ARK2N: variants seen among roughly 807,000 people sequenced by gnomAD.
ARK2N encodes arkadia (RNF111) N-terminal like PKA signaling regulator 2N, also known as protein ARK2N.
At chr18:46,213,713 T>A in the ARK2N span, among the ~76,000 whole-genome samples, 1 of 152,190 alleles carries the variant, frequency 6.6e-6, no homozygotes, top group Non-Finnish European at 1.5e-5. Flanking sequence ...ATTTATTTTT[T>A]TGAGATGGAG....
At chr18:46,239,099 AAG>A in the ARK2N span, among the ~76,000 whole-genome samples, 6 of 152,202 alleles carry the variant, frequency 3.9e-5, no homozygotes, top group Non-Finnish European at 5.9e-5. Context: ...TTTCTTAAAA[AAG>A]GGGTAGAATT....
the ARK2N span, among the ~76,000 whole-genome samples, chr18:46,192,493 C>G: frequency 6.6e-6 from 1 of 152,086 alleles, no homozygotes; most frequent in Non-Finnish European, 1.5e-5. Context: ...AGAAGAATTG[C>G]TTGAACCCGG....
chr18:46,254,172 A>G, the ARK2N span, among the ~76,000 whole-genome samples: 2 of 152,164 alleles, frequency 1.3e-5, no homozygotes, highest in Non-Finnish European at 2.9e-5. Context: ...CTTGCCTTTC[A>G]CTTTACCTGG....
At chr18:46,196,663 A>G in the ARK2N span, among the ~76,000 whole-genome samples, 1 of 152,242 alleles carries the variant, frequency 6.6e-6, no homozygotes. Context: ...GTGGGGTGAT[A>G]TTAGCAATAA....
At chr18:46,245,920 G>A in the ARK2N span, among the ~76,000 whole-genome samples, 3 of 152,078 alleles carry the variant, frequency 2.0e-5, no homozygotes, top group Non-Finnish European at 4.4e-5. Context: ...GAAAAGGTCT[G>A]TAGTGGGAGG....
the ARK2N span, among the ~76,000 whole-genome samples, chr18:46,251,766 T>G: frequency 6.6e-6 from 1 of 152,214 alleles, no homozygotes; most frequent in Admixed American, 6.5e-5. Context: ...AACATTTTGC[T>G]TATTTAAAGG....
At chr18:46,201,066 A>G in the ARK2N span, among the ~76,000 whole-genome samples, 8 of 150,394 alleles carry the variant, frequency 5.3e-5, no homozygotes, top group Non-Finnish European at 1.2e-4. Flanking sequence ...TGCATCCTCA[A>G]CCTCCTGGTT....
the ARK2N span, among the ~76,000 whole-genome samples, chr18:46,191,071 C>G: frequency 1.3e-5 from 2 of 152,028 alleles, no homozygotes; most frequent in African/African-American, 4.8e-5. Context: ...TGGGTACTGG[C>G]TCTGTGTACT....
chr18:46,253,909 T>G, the ARK2N span: 1 of 1,425,744 alleles, frequency 7.0e-7, no homozygotes. Flanking sequence ...ATGGTAGACT[T>G]TATGGCATAG....
At chr18:46,175,069 A>G in the ARK2N span, among the ~76,000 whole-genome samples, 1 of 152,274 alleles carries the variant, frequency 6.6e-6, no homozygotes, top group East Asian at 1.9e-4. Context: ...GTTAAAGACT[A>G]TCGCCTTTAC....
the ARK2N span, chr18:46,263,129 CTG>C: frequency 6.3e-7 from 1 of 1,589,948 alleles, no homozygotes; most frequent in Admixed American, 1.8e-5. Context: ...TACAATGTCA[CTG>C]TGTTTCCTCT....
chr18:46,255,267 G>A, the ARK2N span, among the ~76,000 whole-genome samples: 3 of 152,076 alleles, frequency 2.0e-5, no homozygotes, highest in Non-Finnish European at 4.4e-5. Flanking sequence ...AGTTTAACAT[G>A]CCGTCTCCCC....
At chr18:46,198,344 TC>T in the ARK2N span, among the ~76,000 whole-genome samples, 1 of 148,276 alleles carries the variant, frequency 6.7e-6, no homozygotes, top group African/African-American at 2.5e-5. Flanking sequence ...GAAGCTTGAC[TC>T]TTTTTTAAAT....
chr18:46,195,839 A>G, the ARK2N span, among the ~76,000 whole-genome samples: 1 of 151,938 alleles, frequency 6.6e-6, no homozygotes, highest in African/African-American at 2.4e-5. Context: ...GCCTCTTAAA[A>G]TGCTGGTATT....
At chr18:46,192,486 A>C in the ARK2N span, among the ~76,000 whole-genome samples, 1 of 152,088 alleles carries the variant, frequency 6.6e-6, no homozygotes, top group Admixed American at 6.5e-5. Flanking sequence ...CTGAGGCAGA[A>C]GAATTGCTTG....
At chr18:46,181,680 A>C in the ARK2N span, among the ~76,000 whole-genome samples, 1 of 152,088 alleles carries the variant, frequency 6.6e-6, no homozygotes, top group East Asian at 1.9e-4. Flanking sequence ...GCGCCACTGC[A>C]CTCCAGCCTG....
the ARK2N span, among the ~76,000 whole-genome samples, chr18:46,196,654 T>TG: frequency 1.3e-5 from 2 of 152,252 alleles, no homozygotes; most frequent in South Asian, 2.1e-4. Flanking sequence ...CAAAATTTAG[T>TG]GGGGTGATAT....
the ARK2N span, among the ~76,000 whole-genome samples, chr18:46,219,572 C>T: frequency 1.3e-5 from 2 of 151,672 alleles, no homozygotes; most frequent in African/African-American, 2.4e-5. Flanking sequence ...CAGGTTCAAG[C>T]GATTCTCCTG....
the ARK2N span, among the ~76,000 whole-genome samples, chr18:46,184,880 T>C: frequency 2.6e-5 from 4 of 152,236 alleles, no homozygotes; most frequent in Admixed American, 1.3e-4. Flanking sequence ...TAGCCAAAGA[T>C]ACTTAGTTTC....
Sources: gnomAD v4.1 joint callset for allele counts (sites outside exome capture counted in the v4.1 genomes callset) on GRCh38, gnomAD v4.1.1 for gene constraint, MANE v1.5 for transcripts, NCBI Gene and HGNC (gene_info 2026-07-23, HGNC 2026-07-21) for gene names.